The following EPB41L5 variants were observed in gnomAD, a reference collection of about 807,000 sequenced individuals.
The protein encoded by EPB41L5 is band 4.1-like protein 5.
Under a neutral mutation model 106.6 loss-of-function variants are expected in EPB41L5, and 55 were observed. The observed-to-expected ratio is 0.52, with a 90% CI of 0.42 to 0.65. EPB41L5 has a LOEUF of 0.65. EPB41L5 is among the 30% of genes least tolerant of loss of function. The pLI, the probability that EPB41L5 is intolerant of heterozygous loss-of-function variation, is 0.00. For synonymous variants in EPB41L5, 297 were observed against 306.7 expected, an observed-to-expected ratio of 0.97 and a Z score of 0.33; for missense variants, 871 against 882.1, an observed-to-expected ratio of 0.99 and a Z score of 0.16.
chr2:120,054,888 C>T (rs571227023), intron 3 of EPB41L5, among the ~76,000 whole-genome samples: 8 of 126,818 alleles, frequency 6.3e-5, no homozygotes, highest in East Asian at 2.3e-4. Context: ...TTTTTTGAGA[C>T]GGAGTTTCAC....
chr2:120,128,637 C>T (rs1365427404), intron 17 of EPB41L5, among the ~76,000 whole-genome samples: 1 of 151,064 alleles, frequency 6.6e-6, no homozygotes, highest in Non-Finnish European at 1.5e-5. Flanking sequence ...TGAAGTATGA[C>T]TGATAAGTGG....
Position 120,164,888 on chromosome 2 carries a change from T to C in EPB41L5, c.1940T>C (p.Ile647Thr). The change falls in exon 22 of 25, where the codon ATT (isoleucine) becomes ACT (threonine). Residue 647 changes from isoleucine to threonine, a missense_variant. Physicochemically the swap from Ile to Thr is moderately conservative, Grantham distance 89 (BLOSUM62 -1). Transcript: ENST00000263713. ...ALLASLTENL[I>T]DHTVAPQVSS... ...CTTGCATCTCTAACTGAGAATCTAA[T>C]TGATCACACAGTTGCACCTCAGGTA... 6.2e-7 allele frequency: 1 copy of C among 1,611,348 alleles called. No individual in the cohort carries two copies. Among genetic ancestry groups the C allele is most frequent in the Non-Finnish European group, 8.5e-7 (1 of 1,178,834 alleles).
At chr2:120,065,153 C>G (rs946396216) in intron 3 of EPB41L5, among the ~76,000 whole-genome samples, 1 of 152,094 alleles carries the variant, frequency 6.6e-6, no homozygotes, top group African/African-American at 2.4e-5. Context: ...GGGTCTTGTT[C>G]TGTCGCCCAG....
Position 120,041,991 on chromosome 2 carries a change from A to G in EPB41L5, c.181-15A>G. 6.3e-7 allele frequency: 1 copy of G among 1,584,206 alleles called. No individual in the cohort carries two copies. Among genetic ancestry groups the G allele is most frequent in the Non-Finnish European group, 8.7e-7 (1 of 1,154,774 alleles). On this transcript the variant is annotated splice_polypyrimidine_tract_variant and intron_variant, in intron 2 of 24. Transcript: ENST00000263713. ...TAAACCACTTATTGATTTACTTATTATCTTGCCATTTCAGAAAAAAGCCAA... is the reference window on the plus strand; with the variant it reads ...TAAACCACTTATTGATTTACTTATTGTCTTGCCATTTCAGAAAAAAGCCAA...
chr2:120,160,919 A>G lies in EPB41L5; in HGVS notation c.1832A>G (p.Glu611Gly), dbSNP rs1467664165. ...LNENNVPLPK[E>G]SLETLMLITP... Reference sequence around the variant, plus strand: ...GAGAATAATGTGCCCCTCCCCAAAGAGTCTCTTGAGACTCTGATGCTTATC... The same window carrying G: ...GAGAATAATGTGCCCCTCCCCAAAGGGTCTCTTGAGACTCTGATGCTTATC... The change falls in exon 21 of 25, where the codon GAG becomes GGG. Residue 611 changes from glutamate to glycine, a missense_variant. Physicochemically the swap from Glu to Gly is moderately conservative, Grantham distance 98 (BLOSUM62 -2). Coordinates refer to ENST00000263713, the MANE Select transcript of EPB41L5 (RefSeq NM_020909.4). 1 of 1,613,924 alleles carries G rather than the reference A, an allele frequency of 6.2e-7. No homozygotes were observed. Among genetic ancestry groups the G allele is most frequent in the Non-Finnish European group, 8.5e-7 (1 of 1,179,834 alleles).
intron 24 of EPB41L5, among the ~76,000 whole-genome samples, chr2:120,170,651 T>C (rs1249788024): frequency 2.6e-5 from 4 of 152,218 alleles, no homozygotes; most frequent in African/African-American, 9.6e-5. Flanking sequence ...AATAACATCC[T>C]TTTACCTTTG....
chr2:120,048,938 A>C (rs1305400454), intron 3 of EPB41L5, among the ~76,000 whole-genome samples: 1 of 152,206 alleles, frequency 6.6e-6, no homozygotes, highest in Non-Finnish European at 1.5e-5. Context: ...GTATTCATTC[A>C]GGAGCAGGTT....
At chr2:120,144,090 A>T (rs1332730766) in intron 19 of EPB41L5, among the ~76,000 whole-genome samples, 1 of 152,188 alleles carries the variant, frequency 6.6e-6, no homozygotes, top group Non-Finnish European at 1.5e-5. Context: ...AGTAATAGTT[A>T]TTATTTGCTA....
chr2:120,048,424 C>G (rs988860596), intron 3 of EPB41L5, among the ~76,000 whole-genome samples: 3 of 152,074 alleles, frequency 2.0e-5, no homozygotes, highest in African/African-American at 7.2e-5. Context: ...TCCATGTTTT[C>G]TAGATTTTTT....
intron 14 of EPB41L5, among the ~76,000 whole-genome samples, chr2:120,099,308 A>G (rs183281842): frequency 1.9e-3 from 252 of 134,230 alleles, no homozygotes; most frequent in Middle Eastern, 4.0e-3. Flanking sequence ...TTTTTATTTT[A>G]CTGAATTTTT....
At chr2:120,152,245 A>G (rs1686711756) in intron 20 of EPB41L5, among the ~76,000 whole-genome samples, 1 of 152,118 alleles carries the variant, frequency 6.6e-6, no homozygotes, top group Admixed American at 6.5e-5. Flanking sequence ...TTTTTGTTAT[A>G]TGCTTTTTCT....
intron 20 of EPB41L5, among the ~76,000 whole-genome samples, chr2:120,147,509 C>T (rs1368597003): frequency 1.3e-5 from 2 of 151,658 alleles, no homozygotes; most frequent in African/African-American, 4.8e-5. Flanking sequence ...CCTGTAATCC[C>T]AGCTACTGGG....
chr2:120,081,833 T>C (rs1231380149), intron 10 of EPB41L5, among the ~76,000 whole-genome samples: 1 of 152,190 alleles, frequency 6.6e-6, no homozygotes, highest in Non-Finnish European at 1.5e-5. Context: ...ACATCCCTTG[T>C]AAGTTGGATT....
intron 3 of EPB41L5, among the ~76,000 whole-genome samples, chr2:120,072,344 G>A (rs890249779): frequency 2.6e-5 from 4 of 152,168 alleles, no homozygotes. Flanking sequence ...GTGTAAATTG[G>A]TTCAACCATT....
intron 22 of EPB41L5, 28 bp downstream of exon 22, chr2:120,164,938 G>A (rs760984421): frequency 9.9e-6 from 15 of 1,508,574 alleles, no homozygotes; most frequent in East Asian, 4.7e-5. Context: ...TAGTATGATG[G>A]AAAGAAATTT....
At position 120,131,674 on chromosome 2, in the gene EPB41L5, C is replaced by G. The variant is rs571860020; in HGVS notation, c.1558C>G (p.Leu520Val). The stretch of plus-strand genomic sequence containing the variant: ...GCTTGAGATGGAGAACAGTCCTTTG[C>G]TGTCCCCTCGATCCAACATCGATGT... ...KQLEMENSPL[L>V]SPRSNIDVNI... Residue 520 changes from leucine to valine, a missense_variant, in exon 18 of 25, where the codon CTG (leucine) becomes GTG (valine). By Grantham distance (32) the Leu-to-Val change is conservative. Coordinates refer to ENST00000263713, the MANE Select transcript of EPB41L5 (RefSeq NM_020909.4). The G allele has an allele frequency of 6.2e-7, 1 of 1,613,790 alleles. No homozygotes were observed. Among genetic ancestry groups the G allele is most frequent in the Non-Finnish European group, 8.5e-7 (1 of 1,179,836 alleles).
At chr2:120,147,624 CAA>C (rs60980401) in intron 20 of EPB41L5, among the ~76,000 whole-genome samples, 99 of 75,566 alleles carry the variant, frequency 1.3e-3, no homozygotes, top group Middle Eastern at 7.7e-3. Context: ...AACTCTGTCT[CAA>C]AAAAAAAAAA....
At position 120,019,190 on chromosome 2, in the gene EPB41L5, G is replaced by A. The variant is rs778620122; in HGVS notation, c.106G>A (p.Ala36Thr). The change falls in exon 2 of 25, where the codon GCT (alanine) becomes ACT (threonine). Residue 36 changes from alanine (A) to threonine (T), a missense_variant. Ala to Thr is a moderately conservative substitution (Grantham distance 58). Coordinates refer to ENST00000263713, the MANE Select transcript of EPB41L5 (RefSeq NM_020909.4). ...AQRAATHIPA[A>T]GDSKSIITCR... ...ACGCGCCGCCACACATATTCCTGCA[G>A]CTGGAGATTCTAAGTCCATCATCAC... 1 of 1,613,984 alleles carries A rather than the reference G, an allele frequency of 6.2e-7. No individual in the cohort carries two copies. The highest frequency in any genetic ancestry group is 2.2e-5 in the East Asian group (1 of 44,868).
At chr2:120,107,807 G>T (rs906424622) in intron 16 of EPB41L5, among the ~76,000 whole-genome samples, 8 of 152,166 alleles carry the variant, frequency 5.3e-5, no homozygotes, top group Non-Finnish European at 1.5e-5. Context: ...CCTTGGTGGT[G>T]TAGAAATTAG....
Sources: gnomAD v4.1 joint callset for allele counts (sites outside exome capture counted in the v4.1 genomes callset) on GRCh38, gnomAD v4.1.1 for gene constraint, MANE v1.5 for transcripts, NCBI Gene and HGNC (gene_info 2026-07-23, HGNC 2026-07-21) for gene names.